Variants in GRM8 observed in about 807,000 individuals in gnomAD.
GRM8 encodes glutamate metabotropic receptor 8, also known as metabotropic glutamate receptor 8.
Under a neutral mutation model 87.2 loss-of-function variants are expected in GRM8, and 47 were observed. The ratio of observed to expected loss-of-function variants is 0.54; its 90% CI spans 0.43 to 0.69. The LOEUF (loss-of-function observed/expected upper bound fraction) is 0.69. Among genes scored for constraint, GRM8 ranks in the 30% least tolerant of loss-of-function variants. The pLI is 0.00. For missense variants in GRM8, 1,019 were observed against 1,139.2 expected, an observed-to-expected ratio of 0.89 and a Z score of 1.52; for synonymous variants, 396 against 404.5, an observed-to-expected ratio of 0.98 and a Z score of 0.25.
At chr7:127,204,489 C>T (rs1299145239) in intron 2 of GRM8, among the ~76,000 whole-genome samples, 1 of 152,162 alleles carries the variant, frequency 6.6e-6, no homozygotes, top group Non-Finnish European at 1.5e-5. Context: ...ATAAACAGAT[C>T]TTTTACTTGA....
At chr7:126,695,270 C>T (rs550220691) in intron 7 of GRM8, among the ~76,000 whole-genome samples, 219 of 152,264 alleles carry the variant, frequency 1.4e-3, no homozygotes, top group Non-Finnish European at 2.2e-3. Context: ...ATATTCCATA[C>T]TGATATCTTC....
At chr7:127,213,973 T>C (rs1796369316) in intron 2 of GRM8, among the ~76,000 whole-genome samples, 1 of 152,200 alleles carries the variant, frequency 6.6e-6, no homozygotes, top group South Asian at 2.1e-4. Flanking sequence ...AGCTGTAGAA[T>C]GTGGCATATT....
intron 8 of GRM8, among the ~76,000 whole-genome samples, chr7:126,579,029 C>T (rs773231639): frequency 3.0e-4 from 46 of 151,812 alleles, no homozygotes; most frequent in Admixed American, 2.1e-3. Flanking sequence ...CATTATCTTA[C>T]GTAAAGTAGG....
intron 6 of GRM8, among the ~76,000 whole-genome samples, chr7:126,787,325 G>A (rs1334952851): frequency 6.6e-6 from 1 of 152,074 alleles, no homozygotes; most frequent in Non-Finnish European, 1.5e-5. Flanking sequence ...TCAGATTTCT[G>A]GGAGTCAACA....
chr7:126,701,837 T>C, intron 7 of GRM8: 2 of 1,212,840 alleles, frequency 1.6e-6, no homozygotes, highest in South Asian at 1.3e-5. Flanking sequence ...CCTAAGAAGA[T>C]AAGTCTGTCA....
chr7:127,121,388 G>T (rs189525123), intron 2 of GRM8, among the ~76,000 whole-genome samples: 1 of 152,220 alleles, frequency 6.6e-6, no homozygotes, highest in Non-Finnish European at 1.5e-5. Context: ...AGTCTTCTCT[G>T]GTAGTGCCTG....
chr7:127,235,895 A>G (rs1307142667), intron 2 of GRM8, among the ~76,000 whole-genome samples: 1 of 152,258 alleles, frequency 6.6e-6, no homozygotes, highest in Non-Finnish European at 1.5e-5. Context: ...CATAAATCAC[A>G]TATCTGTTAA....
intron 7 of GRM8, among the ~76,000 whole-genome samples, chr7:126,737,157 C>T (rs1185288683): frequency 6.6e-6 from 1 of 152,000 alleles, no homozygotes; most frequent in East Asian, 1.9e-4. Flanking sequence ...TCCGACCCTC[C>T]CCAAATTGCT....
intron 10 of GRM8, among the ~76,000 whole-genome samples, chr7:126,442,232 T>G (rs1181416810): frequency 6.6e-6 from 1 of 152,082 alleles, no homozygotes; most frequent in Non-Finnish European, 1.5e-5. Context: ...ACATGAGACC[T>G]AATGGAGTCT....
At chr7:126,486,191 C>T (rs1166098917) in intron 9 of GRM8, among the ~76,000 whole-genome samples, 1 of 152,018 alleles carries the variant, frequency 6.6e-6, no homozygotes, top group Non-Finnish European at 1.5e-5. Context: ...TGGTAAGAGA[C>T]CACCAACCAC....
At chr7:126,996,178 C>G (rs908355226) in intron 3 of GRM8, among the ~76,000 whole-genome samples, 2 of 152,140 alleles carry the variant, frequency 1.3e-5, no homozygotes, top group South Asian at 4.1e-4. Flanking sequence ...TCATCAATAC[C>G]AGACCTGCCC....
At chr7:126,970,814 C>G (rs1289147892) in intron 3 of GRM8, among the ~76,000 whole-genome samples, 1 of 152,096 alleles carries the variant, frequency 6.6e-6, no homozygotes, top group Non-Finnish European at 1.5e-5. Context: ...CTTCCTTCCA[C>G]TTGATAACAT....
At chr7:127,230,249 T>C (rs1390631196) in intron 2 of GRM8, among the ~76,000 whole-genome samples, 2 of 152,022 alleles carry the variant, frequency 1.3e-5, no homozygotes, top group African/African-American at 2.4e-5. Flanking sequence ...CCAATGGAAG[T>C]TGGGAACACA....
intron 9 of GRM8, among the ~76,000 whole-genome samples, chr7:126,505,142 A>G (rs985687262): frequency 6.6e-6 from 1 of 152,020 alleles, no homozygotes; most frequent in Non-Finnish European, 1.5e-5. Context: ...CTAGGACTAA[A>G]ATGGATTTGG....
At chr7:126,489,899 A>C (rs1165634960) in intron 9 of GRM8, among the ~76,000 whole-genome samples, 2 of 152,004 alleles carry the variant, frequency 1.3e-5, no homozygotes, top group Non-Finnish European at 2.9e-5. Context: ...CAAGACGCAA[A>C]GGAAGAACAA....
chr7:127,032,498 A>G (rs541178541), intron 3 of GRM8, among the ~76,000 whole-genome samples: 1 of 152,282 alleles, frequency 6.6e-6, no homozygotes, highest in Admixed American at 6.5e-5. Flanking sequence ...AAAGAAGACT[A>G]TTCCAACCAT....
At chr7:127,007,957 C>T (rs1465853644) in intron 3 of GRM8, among the ~76,000 whole-genome samples, 1 of 151,878 alleles carries the variant, frequency 6.6e-6, no homozygotes, top group Non-Finnish European at 1.5e-5. Context: ...GTCAATTTAC[C>T]AGATCCTCTT....
At chr7:126,799,767 G>C (rs1228497219) in intron 6 of GRM8, among the ~76,000 whole-genome samples, 1 of 152,114 alleles carries the variant, frequency 6.6e-6, no homozygotes, top group Non-Finnish European at 1.5e-5. Context: ...TCATGTTGTT[G>C]CTATAATAAC....
At chr7:126,799,359 A>G (rs1262577205) in intron 6 of GRM8, among the ~76,000 whole-genome samples, 1 of 152,152 alleles carries the variant, frequency 6.6e-6, no homozygotes, top group Non-Finnish European at 1.5e-5. Context: ...CGTGAGACAA[A>G]TAAGAAGATG....
Sources: gnomAD v4.1 joint callset for allele counts (sites outside exome capture counted in the v4.1 genomes callset) on GRCh38, gnomAD v4.1.1 for gene constraint, MANE v1.5 for transcripts, NCBI Gene and HGNC (gene_info 2026-07-23, HGNC 2026-07-21) for gene names.